RPAP2: variants seen among roughly 807,000 people sequenced by gnomAD.
The protein encoded by RPAP2 is RNA polymerase II associated protein 2, also known as putative RNA polymerase II subunit B1 CTD phosphatase RPAP2.
In RPAP2, 52 loss-of-function variants were observed where a neutral mutation model predicts 73.1. The observed-to-expected ratio is 0.71, with a 90% CI of 0.57 to 0.90. The LOEUF (loss-of-function observed/expected upper bound fraction) is 0.90, where lower values mean the gene tolerates loss of function less well. Ranked by LOEUF, RPAP2 falls within the 40% of genes least tolerant of loss-of-function variation. The probability of loss-of-function intolerance (pLI) is 0.00; values close to 1 mark genes in which losing one functional copy is unlikely to be tolerated. For synonymous variants in RPAP2, 225 were observed against 242.1 expected, an observed-to-expected ratio of 0.93 and a Z score of 0.65; for missense variants, 598 against 701.8, an observed-to-expected ratio of 0.85 and a Z score of 1.67.
chr1:92,328,909 T>C (rs1046180297), intron 8 of RPAP2, among the ~76,000 whole-genome samples: 1 of 152,138 alleles, frequency 6.6e-6, no homozygotes, highest in Non-Finnish European at 1.5e-5. Context: ...GTGATTGTTA[T>C]TGTTCTTGTG....
intron 6 of RPAP2, among the ~76,000 whole-genome samples, chr1:92,308,130 C>T (rs1189293803): frequency 6.6e-6 from 1 of 151,670 alleles, no homozygotes; most frequent in Non-Finnish European, 1.5e-5. Flanking sequence ...GGCGATGTAA[C>T]ACCACTCTCA....
intron 1 of RPAP2, among the ~76,000 whole-genome samples, chr1:92,299,487 G>A (rs929993725): frequency 1.3e-5 from 2 of 152,126 alleles, no homozygotes; most frequent in African/African-American, 4.8e-5. Flanking sequence ...CTTGAACCTA[G>A]GACCGGTCCT....
rs144244675 is a variant in RPAP2 at position 92,351,193 on chromosome 1, G to A, written c.1688+5279G>A. Among the ~76,000 whole-genome samples, 268 of 150,238 alleles carry A rather than the reference G, an allele frequency of 1.8e-3. 4 individuals are homozygous for A. Among genetic ancestry groups the A allele is most frequent in the African/African-American group, 6.0e-3 (245 of 40,952 alleles). On this transcript the variant is annotated intron_variant, in intron 11 of 12. Coordinates refer to ENST00000610020, the MANE Select transcript of RPAP2 (RefSeq NM_024813.3). Reference sequence around the variant, plus strand: ...GTGGTGGCATGTGCCTGTAATCCTAGCTACTCGGGAGGCTGAGGCAGGAAA... The same window carrying A: ...GTGGTGGCATGTGCCTGTAATCCTAACTACTCGGGAGGCTGAGGCAGGAAA...
At chr1:92,346,872 G>A (rs1653929773) in intron 11 of RPAP2, among the ~76,000 whole-genome samples, 1 of 152,110 alleles carries the variant, frequency 6.6e-6, no homozygotes, top group Non-Finnish European at 1.5e-5. Context: ...TTGCATTACT[G>A]TTGCTGCTTG....
chr1:92,378,776 A>G (rs1367418744), intron 11 of RPAP2, among the ~76,000 whole-genome samples: 2 of 152,228 alleles, frequency 1.3e-5, no homozygotes, highest in Non-Finnish European at 2.9e-5. Context: ...GTTTACCTCT[A>G]TACCCAGCTT....
chr1:92,308,054 A>G (rs908365766), intron 6 of RPAP2, among the ~76,000 whole-genome samples: 3 of 152,068 alleles, frequency 2.0e-5, no homozygotes, highest in African/African-American at 7.2e-5. Flanking sequence ...AATGAGATGC[A>G]GGTTAGCTAA....
At chr1:92,364,583 C>T (rs1041032942) in intron 11 of RPAP2, among the ~76,000 whole-genome samples, 1 of 152,066 alleles carries the variant, frequency 6.6e-6, no homozygotes, top group African/African-American at 2.4e-5. Context: ...GTCATTTTGC[C>T]TTTCAAATGG....
intron 12 of RPAP2, among the ~76,000 whole-genome samples, chr1:92,381,698 C>T (rs1655644464): frequency 6.6e-6 from 1 of 150,592 alleles, no homozygotes. Flanking sequence ...ATTCCCCCTT[C>T]ACCTCTGCCT....
chr1:92,310,834 T>C (rs1413727707), intron 6 of RPAP2, among the ~76,000 whole-genome samples: 1 of 151,400 alleles, frequency 6.6e-6, no homozygotes, highest in Non-Finnish European at 1.5e-5. Flanking sequence ...GAGGCAGAGG[T>C]TGCAGTGAGC....
At chr1:92,363,781 TTTCTC>T (rs745404915) in intron 11 of RPAP2, 25 of 292,996 alleles carry the variant, frequency 8.5e-5, no homozygotes, top group Non-Finnish European at 3.4e-5. Context: ...GTAAATATAT[TTTCTC>T]TTCTTTATGA....
At chr1:92,347,063 G>T (rs1000439263) in intron 11 of RPAP2, among the ~76,000 whole-genome samples, 1 of 152,142 alleles carries the variant, frequency 6.6e-6, no homozygotes, top group African/African-American at 2.4e-5. Context: ...GTGCTGAGAA[G>T]CATTAGAGTA....
At chr1:92,328,242 A>C (rs1013507875) in intron 8 of RPAP2, among the ~76,000 whole-genome samples, 1 of 152,136 alleles carries the variant, frequency 6.6e-6, no homozygotes, top group African/African-American at 2.4e-5. Flanking sequence ...TATTCCCTCA[A>C]ATATGTTTTC....
chr1:92,380,076 G>A (rs1386827660), intron 11 of RPAP2, among the ~76,000 whole-genome samples: 7 of 150,524 alleles, frequency 4.7e-5, no homozygotes, highest in East Asian at 1.9e-4. Flanking sequence ...CCAGGAGTTC[G>A]AGACCAGCCT....
chr1:92,320,617 G>C lies in RPAP2; in HGVS notation c.507G>C (p.Leu169=). 5 of 1,610,654 alleles carry C rather than the reference G, an allele frequency of 3.1e-6. No homozygotes were observed. The highest frequency in any genetic ancestry group is 4.2e-6 in the Non-Finnish European group (5 of 1,177,302). Residue 169 remains leucine (L), a synonymous_variant, in exon 7 of 13, where the codon CTG becomes CTC. Transcript: ENST00000610020. ...REEERHPDFQ[L]LKEEQSGHSG... Reference sequence around the variant, plus strand: ...ATTACAGGCATCCTGATTTTCAACTGCTAAAGGAAGAACAAAGGTATGGTT... The same window carrying C: ...ATTACAGGCATCCTGATTTTCAACTCCTAAAGGAAGAACAAAGGTATGGTT...
At position 92,373,733 on chromosome 1, in the gene RPAP2, T is replaced by TAAAAAAAAAAA. The variant is rs1395822870; in HGVS notation, c.1689-6986_1689-6985insAAAAAAAAAAA. On this transcript the variant is annotated intron_variant, in intron 11 of 12. Coordinates refer to ENST00000610020, the MANE Select transcript of RPAP2 (RefSeq NM_024813.3). ...CAACATGGTGAAACCCCGTCTCTAC[T>TAAAAAAAAAAA]AAAAATAAAAAAAAAAAAAAAAAAA... Among the ~76,000 whole-genome samples, 21 of 40,898 alleles carry TAAAAAAAAAAA rather than the reference T, an allele frequency of 5.1e-4. 4 individuals are homozygous for TAAAAAAAAAAA. Among genetic ancestry groups the TAAAAAAAAAAA allele is most frequent in the South Asian group, 1.1e-3 (1 of 940 alleles). The allele number at this position is 40,898 out of a possible 152,430, so 26.8% of individuals were successfully genotyped here. A position where few individuals can be genotyped will look rare whatever the true frequency, so the allele number is the denominator to read the frequency against.
In RPAP2 at chr1:92,324,392, T is replaced by C. The variant is rs775538033; in HGVS notation, c.1455+17T>C. On this transcript the variant is annotated intron_variant, in intron 8 of 12. Coordinates refer to ENST00000610020, the MANE Select transcript of RPAP2 (RefSeq NM_024813.3). Reference sequence around the variant, plus strand: ...TCAGAAGAGGTATGTCTTACAGACATTGAGTTTTTCCAGATCGTTAACATT... The same window carrying C: ...TCAGAAGAGGTATGTCTTACAGACACTGAGTTTTTCCAGATCGTTAACATT... The C allele has an allele frequency of 3.2e-6, 5 of 1,574,744 alleles. No individual in the cohort carries two copies. The highest frequency in any genetic ancestry group is 2.2e-5 in the East Asian group (1 of 44,572).
At chr1:92,382,085 C>T (rs1446323971) in intron 12 of RPAP2, among the ~76,000 whole-genome samples, 1 of 152,060 alleles carries the variant, frequency 6.6e-6, no homozygotes, top group Non-Finnish European at 1.5e-5. Flanking sequence ...CATGTCCCTA[C>T]AAAGGACATG....
chr1:92,299,132 C>G lies in RPAP2; in HGVS notation c.59C>G (p.Ser20Cys), dbSNP rs1016464166. Residue 20 changes from serine (S) to cysteine (C), a missense_variant, in exon 1 of 13, where the codon TCT (serine) becomes TGT (cysteine). By Grantham distance (112) the Ser-to-Cys change is moderately radical (BLOSUM62 -1). Coordinates refer to ENST00000610020, the MANE Select transcript of RPAP2 (RefSeq NM_024813.3). ...CGCAAGGCCGGGGCTCCCCGCTGCT[C>G]TCGAAAAGCCGCAGGTAGGAGCAAG... ...AGRKAGAPRC[S>C]RKAAGTKQTS... is the part of the protein sequence containing the mutation. The G allele has an allele frequency of 1.3e-6, 2 of 1,519,534 alleles. No individual in the cohort carries two copies. Among genetic ancestry groups the G allele is most frequent in the Non-Finnish European group, 1.8e-6 (2 of 1,129,922 alleles). The allele number at this position is 1,519,534 out of a possible 1,614,324, so 94.1% of individuals were successfully genotyped here. A position where few individuals can be genotyped will look rare whatever the true frequency, so the allele number is the denominator to read the frequency against.
intron 11 of RPAP2, among the ~76,000 whole-genome samples, chr1:92,356,276 CTAT>C (rs1387000683): frequency 1.3e-5 from 2 of 151,842 alleles, no homozygotes; most frequent in Non-Finnish European, 2.9e-5. Flanking sequence ...CATGCCCAGC[CTAT>C]TATTTATATT....
Sources: allele counts gnomAD v4.1 joint callset (sites outside exome capture counted in the v4.1 genomes callset), GRCh38; gene constraint gnomAD v4.1.1; transcripts MANE v1.5; gene names NCBI Gene and HGNC (gene_info 2026-07-23, HGNC 2026-07-21).